Variants in KCNIP3 observed in about 807,000 individuals in gnomAD.
KCNIP3 encodes potassium voltage-gated channel interacting protein 3.
In KCNIP3, 28 loss-of-function variants were observed where a neutral mutation model predicts 35.0. The ratio of observed to expected loss-of-function variants is 0.80; its 90% CI spans 0.59 to 1.10. The LOEUF (loss-of-function observed/expected upper bound fraction) is 1.10. Ranked by LOEUF, KCNIP3 falls within the 50% of genes least tolerant of loss-of-function variation. KCNIP3 has a pLI of 0.00. For synonymous variants in KCNIP3, 134 were observed against 133.8 expected (o/e 1.00, Z -0.01); for missense variants, 295 against 338.4 (o/e 0.87, Z 1.01).
At chr2:95,304,628 A>ATTCT (rs1678125582) in intron 1 of KCNIP3, among the ~76,000 whole-genome samples, 1 of 152,172 alleles carries the variant, frequency 6.6e-6, no homozygotes, top group East Asian at 1.9e-4. Flanking sequence ...GCTGCATGAG[A>ATTCT]ACGGGTGAGC....
intron 1 of KCNIP3, among the ~76,000 whole-genome samples, chr2:95,306,641 G>A (rs1403751180): frequency 3.9e-5 from 6 of 152,058 alleles, no homozygotes; most frequent in Admixed American, 1.3e-4. Flanking sequence ...CAGGTGCCAA[G>A]GCGGTGGTGT....
intron 2 of KCNIP3, among the ~76,000 whole-genome samples, chr2:95,315,120 A>C (rs1181184675): frequency 1.3e-5 from 2 of 152,064 alleles, no homozygotes; most frequent in Non-Finnish European, 2.9e-5. Flanking sequence ...GCGTGGAGGC[A>C]CCGTGATGGG....
intron 2 of KCNIP3, among the ~76,000 whole-genome samples, chr2:95,337,214 G>C (rs978322825): frequency 6.6e-5 from 10 of 152,140 alleles, no homozygotes; most frequent in Non-Finnish European, 1.2e-4. Context: ...GGATAAAGAT[G>C]AAGTAAACTG....
At chr2:95,315,936 G>A (rs1313836343) in intron 2 of KCNIP3, among the ~76,000 whole-genome samples, 1 of 152,224 alleles carries the variant, frequency 6.6e-6, no homozygotes, top group Non-Finnish European at 1.5e-5. Context: ...GCAGATACCA[G>A]TGGGGCTGGG....
rs1271839017 is a variant in KCNIP3, at chr2:95,378,457, G to C, written c.448-3139G>C. On this transcript the variant is annotated intron_variant, in intron 5 of 8. Transcript: ENST00000295225. This position sits in a 1 kb window ranked among gnomAD's most constrained non-coding sequence, Gnocchi z 4.0. ...CTTCTTTAAAATATTTTCATTGGCC[G>C]GGCTCGGTGGCTCACGCCTGCAATC... Among the ~76,000 whole-genome samples, 1 of 151,972 alleles carries C rather than the reference G, an allele frequency of 6.6e-6. No individual in the cohort carries two copies. Among genetic ancestry groups the C allele is most frequent in the South Asian group, 2.1e-4 (1 of 4,800 alleles).
intron 1 of KCNIP3, among the ~76,000 whole-genome samples, chr2:95,303,756 A>T (rs1573477091): frequency 6.6e-6 from 1 of 152,242 alleles, no homozygotes. Context: ...GTGCCCTGCC[A>T]GGAGGATGCT....
At chr2:95,335,972 C>T (rs1260179465) in intron 2 of KCNIP3, among the ~76,000 whole-genome samples, 1 of 152,152 alleles carries the variant, frequency 6.6e-6, no homozygotes, top group Non-Finnish European at 1.5e-5. Context: ...TTGTCACATG[C>T]CTTTTTGTTC....
chr2:95,374,160 C>T, intron 2 of KCNIP3, 136 bp from the exon 3 acceptor site: 1 of 1,099,500 alleles, frequency 9.1e-7, no homozygotes, highest in Non-Finnish European at 1.3e-6. Context: ...AGTGCACAGC[C>T]TGTGTGGCTG....
At chr2:95,325,662 C>T (rs1177731535) in intron 2 of KCNIP3, among the ~76,000 whole-genome samples, 1 of 149,000 alleles carries the variant, frequency 6.7e-6, no homozygotes, top group South Asian at 2.1e-4. Flanking sequence ...AATAGATACA[C>T]ACTCATACAC....
intron 2 of KCNIP3, among the ~76,000 whole-genome samples, chr2:95,321,640 A>G (rs1678600934): frequency 6.6e-6 from 1 of 152,194 alleles, no homozygotes; most frequent in African/African-American, 2.4e-5. Context: ...CGAACGACAG[A>G]GCTGATTTAA....
Position 95,372,775 on chromosome 2 carries a change from G to T in KCNIP3, c.182-1521G>T, listed in dbSNP as rs536534638. Among the ~76,000 whole-genome samples the T allele has an allele frequency of 3.3e-5, 5 of 152,336 alleles. No homozygotes were observed. The East Asian group carries it at 9.6e-4, about 29-fold the overall frequency. The stretch of plus-strand genomic sequence containing the variant: ...CAGTGAAGTGGGAAGCAACCTGAGG[G>T]TAAGGATGGGAGAGGAGATACTGGA... On this transcript the variant is annotated intron_variant, in intron 2 of 8. Coordinates refer to ENST00000295225, the MANE Select transcript of KCNIP3 (RefSeq NM_013434.5).
intron 2 of KCNIP3, among the ~76,000 whole-genome samples, chr2:95,321,327 A>T (rs984039173): frequency 4.6e-5 from 7 of 152,172 alleles, no homozygotes; most frequent in African/African-American, 1.4e-4. Context: ...TTAATACCAG[A>T]TATAAGCATG....
At chr2:95,339,765 A>G (rs982750670) in intron 2 of KCNIP3, among the ~76,000 whole-genome samples, 1 of 152,100 alleles carries the variant, frequency 6.6e-6, no homozygotes, top group South Asian at 2.1e-4. Flanking sequence ...TTCCACCTCT[A>G]TTTCCAAATC....
At chr2:95,317,064 G>A (rs1462661692) in intron 2 of KCNIP3, among the ~76,000 whole-genome samples, 7 of 152,224 alleles carry the variant, frequency 4.6e-5, no homozygotes, top group African/African-American at 1.4e-4. Flanking sequence ...AGGCACAGCA[G>A]GGCTGAGGGA....
chr2:95,310,551 TG>T (rs2104210159), intron 2 of KCNIP3, 31 bp downstream of exon 2: 2 of 885,040 alleles, frequency 2.3e-6, no homozygotes, highest in Non-Finnish European at 3.1e-6. Context: ...TGGTCAAGGG[TG>T]GGGGTGGGGA....
intron 2 of KCNIP3, among the ~76,000 whole-genome samples, chr2:95,330,508 C>CG (rs2104243900): frequency 1.3e-5 from 2 of 152,304 alleles, no homozygotes; most frequent in East Asian, 3.9e-4. Context: ...AGGCCCAGTC[C>CG]GGGTCACACA....
chr2:95,373,883 AAGTC>A (rs1481796689), intron 2 of KCNIP3, among the ~76,000 whole-genome samples: 1 of 152,224 alleles, frequency 6.6e-6, no homozygotes, highest in Non-Finnish European at 1.5e-5. Context: ...TTCCTGGGGA[AAGTC>A]AGGGAGGGCC....
rs1573526386 is a variant in KCNIP3, at chr2:95,384,203, C to CACACAG, written c.*157_*158insCAGACA. ...ACACACACACACACACACACACACA[C>CACACAG]ACAGCCATTCATCTGGGCTGGCAGA... On this transcript the variant is annotated 3_prime_UTR_variant, in exon 9 of 9. Coordinates refer to ENST00000295225, the MANE Select transcript of KCNIP3 (RefSeq NM_013434.5). 1 of 660,878 alleles carries CACACAG rather than the reference C, an allele frequency of 1.5e-6. No homozygotes were observed. Among genetic ancestry groups the CACACAG allele is most frequent in the East Asian group, 2.7e-5 (1 of 36,590 alleles). The allele number at this position is 660,878 out of a possible 1,614,324, so 40.9% of individuals were successfully genotyped here.
chr2:95,307,954 T>C (rs920795973), intron 1 of KCNIP3, among the ~76,000 whole-genome samples: 2 of 152,198 alleles, frequency 1.3e-5, no homozygotes, highest in Non-Finnish European at 2.9e-5. Flanking sequence ...TCATGAATAA[T>C]GGAGAAAGTG....
Sources: allele counts gnomAD v4.1 joint callset (sites outside exome capture counted in the v4.1 genomes callset), GRCh38; gene constraint gnomAD v4.1.1; non-coding constraint Gnocchi (gnomAD v3.1); transcripts MANE v1.5; gene names NCBI Gene and HGNC (gene_info 2026-07-23, HGNC 2026-07-21).